FBXW7: variants seen among roughly 807,000 people sequenced by gnomAD.
FBXW7 encodes the protein F-box/WD repeat-containing protein 7.
FBXW7 carries 11 observed loss-of-function variants against 86.3 expected under a neutral mutation model. The ratio of observed to expected loss-of-function variants is 0.13; its 90% CI spans 0.08 to 0.21. The LOEUF is 0.21. Among genes scored for constraint, FBXW7 ranks in the 10% least tolerant of loss-of-function variants. FBXW7 has a pLI of 1.00. For synonymous variants in FBXW7, 313 were observed against 297.9 expected, an observed-to-expected ratio of 1.05 and a Z score of -0.52; for missense variants, 488 against 847.4, an observed-to-expected ratio of 0.58 and a Z score of 5.27.
At chr4:152,446,168 AG>A (rs1311200222) in intron 2 of FBXW7, among the ~76,000 whole-genome samples, 2 of 152,208 alleles carry the variant, frequency 1.3e-5, no homozygotes, top group Admixed American at 6.5e-5. Context: ...TAGAAAGTCT[AG>A]AAAAAATTGG....
intron 4 of FBXW7, among the ~76,000 whole-genome samples, chr4:152,353,312 A>T (rs1732042979): frequency 1.3e-5 from 2 of 152,126 alleles, no homozygotes; most frequent in African/African-American, 4.8e-5. Context: ...GACTGACAAT[A>T]AAGTAAACTG....
chr4:152,441,604 G>A (rs1285915908), intron 2 of FBXW7, among the ~76,000 whole-genome samples: 1 of 152,120 alleles, frequency 6.6e-6, no homozygotes, highest in Non-Finnish European at 1.5e-5. Context: ...AAGTAAAGGA[G>A]GAAGCAACAA....
At chr4:152,326,897 G>T (rs937822435) in intron 11 of FBXW7, among the ~76,000 whole-genome samples, 1 of 151,962 alleles carries the variant, frequency 6.6e-6, no homozygotes, top group Admixed American at 6.6e-5. Context: ...TTATAAATAT[G>T]CAATAGGCTA....
At chr4:152,491,584 G>A (rs1745862593) in intron 2 of FBXW7, among the ~76,000 whole-genome samples, 1 of 152,144 alleles carries the variant, frequency 6.6e-6, no homozygotes, top group Admixed American at 6.5e-5. Flanking sequence ...GATAGTGGCT[G>A]GTGGGGAGAA....
intron 4 of FBXW7, among the ~76,000 whole-genome samples, chr4:152,392,807 ATC>A (rs1736106936): frequency 6.6e-6 from 1 of 152,192 alleles, no homozygotes; most frequent in South Asian, 2.1e-4. Flanking sequence ...TTAAGTGATC[ATC>A]TTGAGGATGG....
At chr4:152,524,485 C>T (rs962904258) in intron 2 of FBXW7, among the ~76,000 whole-genome samples, 1 of 152,146 alleles carries the variant, frequency 6.6e-6, no homozygotes, top group African/African-American at 2.4e-5. Flanking sequence ...CAAACTAAAC[C>T]TTCAATGGTT....
chr4:152,330,477 T>C (rs1438128311), intron 9 of FBXW7, among the ~76,000 whole-genome samples: 2 of 151,976 alleles, frequency 1.3e-5, no homozygotes, highest in African/African-American at 4.8e-5. Context: ...CAATAGGATA[T>C]TGAGAGATTT....
intron 2 of FBXW7, among the ~76,000 whole-genome samples, chr4:152,501,695 T>TGA (rs1746962496): frequency 6.6e-6 from 1 of 152,220 alleles, no homozygotes; most frequent in Admixed American, 6.5e-5. Flanking sequence ...GTAAACCTGA[T>TGA]GAGATCTCGA....
chr4:152,500,885 T>TAA (rs2149699746), intron 2 of FBXW7, among the ~76,000 whole-genome samples: 1 of 152,332 alleles, frequency 6.6e-6, no homozygotes, highest in East Asian at 1.9e-4. Flanking sequence ...TTAAGCAACA[T>TAA]AAGATTTCTT....
chr4:152,347,536 GA>G (rs941759251), intron 5 of FBXW7, among the ~76,000 whole-genome samples: 15 of 152,120 alleles, frequency 9.9e-5, no homozygotes, highest in African/African-American at 3.1e-4. Context: ...TGAATTTCAA[GA>G]ATCACATTAT....
At chr4:152,414,573 A>G (rs1426822107) in intron 2 of FBXW7, among the ~76,000 whole-genome samples, 3 of 152,176 alleles carry the variant, frequency 2.0e-5, no homozygotes. Flanking sequence ...AGAGAAATTA[A>G]AAGCTCCATT....
chr4:152,349,980 C>T (rs1346888911), intron 5 of FBXW7, 62 bp downstream of exon 5: 28 of 919,914 alleles, frequency 3.0e-5, no homozygotes, highest in Non-Finnish European at 4.2e-5. Context: ...TAAACTAAAA[C>T]ACTTTCAGAA....
intron 4 of FBXW7, among the ~76,000 whole-genome samples, chr4:152,386,589 A>G (rs1402502897): frequency 6.6e-6 from 1 of 152,090 alleles, no homozygotes; most frequent in Admixed American, 6.6e-5. Context: ...AATATTTTAA[A>G]ACATATTATT....
chr4:152,486,046 G>C (rs1579326462), intron 2 of FBXW7, among the ~76,000 whole-genome samples: 1 of 152,100 alleles, frequency 6.6e-6, no homozygotes, highest in Non-Finnish European at 1.5e-5. Context: ...ACTGAATACT[G>C]CCTGGTAACT....
At chr4:152,397,164 A>G (rs1736487316) in intron 4 of FBXW7, among the ~76,000 whole-genome samples, 1 of 151,962 alleles carries the variant, frequency 6.6e-6, no homozygotes, top group Admixed American at 6.6e-5. Flanking sequence ...ATCTTCCTTC[A>G]CCAAAAGACA....
At chr4:152,328,541 C>T (rs1729266534) in intron 10 of FBXW7, 152 bp from the exon 11 acceptor site, 2 of 482,844 alleles carry the variant, frequency 4.1e-6, no homozygotes, top group Admixed American at 4.0e-5. Flanking sequence ...GATCCCATCA[C>T]TATTTATTGT....
chr4:152,460,028 T>C (rs760488212), intron 2 of FBXW7, among the ~76,000 whole-genome samples: 15 of 152,222 alleles, frequency 9.9e-5, no homozygotes, highest in Non-Finnish European at 2.1e-4. Context: ...ACAGAGTTTC[T>C]GTTTGGAATG....
chr4:152,454,263 T>A lies in FBXW7; in HGVS notation c.-119-41734A>T, dbSNP rs866445176. ...AGTAACTCTCTAAGCCCCCCCCCCC[T>A]TTTTTTTTTTTTTCCACGCCAATAC... is the stretch of plus-strand genomic sequence containing the variant. On this transcript the variant is annotated intron_variant, in intron 2 of 13. Coordinates refer to ENST00000281708, the MANE Select transcript of FBXW7 (RefSeq NM_001349798.2). Among the ~76,000 whole-genome samples, 26 of 86,340 alleles carry A rather than the reference T, an allele frequency of 3.0e-4. No individual in the cohort carries two copies. The South Asian group carries it at 9.7e-3, about 32-fold the overall frequency. The allele number at this position is 86,340 out of a possible 152,430, so 56.6% of individuals were successfully genotyped here.
chr4:152,520,161 C>T (rs995162633), intron 2 of FBXW7, among the ~76,000 whole-genome samples: 3 of 152,246 alleles, frequency 2.0e-5, no homozygotes, highest in East Asian at 1.9e-4. Flanking sequence ...CGGCCGGGCG[C>T]GGTGGCTCAC....
Sources: gnomAD v4.1 joint callset for allele counts (sites outside exome capture counted in the v4.1 genomes callset) on GRCh38, gnomAD v4.1.1 for gene constraint, MANE v1.5 for transcripts, NCBI Gene and HGNC (gene_info 2026-07-23, HGNC 2026-07-21) for gene names.